MAP3K7CL: variants seen among roughly 807,000 people sequenced by gnomAD.
The protein encoded by MAP3K7CL is MAP3K7 C-terminal like, also known as MAP3K7 C-terminal-like protein.
Under a neutral mutation model 18.6 loss-of-function variants are expected in MAP3K7CL, and 16 were observed. The observed-to-expected ratio is 0.86, with a 90% CI of 0.58 to 1.31. The LOEUF is 1.31. MAP3K7CL is among the 50% of genes most tolerant of loss of function. MAP3K7CL has a pLI of 0.00. For missense variants in MAP3K7CL, 163 were observed against 174.4 expected, an observed-to-expected ratio of 0.93 and a Z score of 0.37; for synonymous variants, 65 against 66.8, an observed-to-expected ratio of 0.97 and a Z score of 0.13.
chr21:29,120,548 A>G (rs982591561), intron 4 of MAP3K7CL, among the ~76,000 whole-genome samples: 2 of 152,194 alleles, frequency 1.3e-5, no homozygotes, highest in African/African-American at 4.8e-5. Context: ...TCTGGGACAT[A>G]GTATTTGCCC....
intron 1 of MAP3K7CL, among the ~76,000 whole-genome samples, chr21:29,088,365 T>G (rs1376656440): frequency 1.3e-5 from 2 of 152,242 alleles, no homozygotes; most frequent in African/African-American, 2.4e-5. Flanking sequence ...ATATATAATC[T>G]GTTTGACAAA....
At chr21:29,144,749 C>G (rs776246160) in intron 2 of MAP3K7CL, among the ~76,000 whole-genome samples, 18 of 152,176 alleles carry the variant, frequency 1.2e-4, no homozygotes, top group Non-Finnish European at 2.1e-4. Flanking sequence ...TGCTAAATAA[C>G]AGGGAGGATT....
intron 1 of MAP3K7CL, among the ~76,000 whole-genome samples, chr21:29,079,595 G>A (rs867011296): frequency 3.9e-5 from 6 of 152,240 alleles, no homozygotes; most frequent in Admixed American, 6.5e-5. Flanking sequence ...GAAAATACAA[G>A]TTTCCATGGC....
At chr21:29,160,768 A>T (rs1317647891) in intron 4 of MAP3K7CL, among the ~76,000 whole-genome samples, 1 of 152,164 alleles carries the variant, frequency 6.6e-6, no homozygotes, top group African/African-American at 2.4e-5. Context: ...TTTTGATTAG[A>T]TCTCCTTTTG....
chr21:29,100,319 C>A (rs1049405545), intron 4 of MAP3K7CL, among the ~76,000 whole-genome samples: 1 of 152,138 alleles, frequency 6.6e-6, no homozygotes, highest in African/African-American at 2.4e-5. Flanking sequence ...GCTTCTTGGG[C>A]TACGGATAAA....
chr21:29,132,100 G>C (rs4816339), intron 1 of MAP3K7CL, among the ~76,000 whole-genome samples: 30,895 of 152,076 alleles, frequency 0.2, 3,696 homozygotes, highest in East Asian at 0.4. Flanking sequence ...GGGGAGGTGG[G>C]ACTAAAAATA....
chr21:29,132,493 G>C (rs150782321), intron 1 of MAP3K7CL, among the ~76,000 whole-genome samples: 8 of 152,126 alleles, frequency 5.3e-5, no homozygotes, highest in African/African-American at 1.7e-4. Context: ...ATATTTTAAA[G>C]TGGTTTTTGG....
intron 4 of MAP3K7CL, among the ~76,000 whole-genome samples, chr21:29,171,806 CAAAAAA>C (rs34411156): frequency 1.2e-5 from 1 of 83,194 alleles, no homozygotes. Flanking sequence ...GACTCCATCT[CAAAAAA>C]AAAAAAAAAA....
intron 2 of MAP3K7CL, among the ~76,000 whole-genome samples, chr21:29,138,754 G>C (rs1376365843): frequency 6.6e-6 from 1 of 152,170 alleles, no homozygotes; most frequent in African/African-American, 2.4e-5. Context: ...AGCTGAGCCA[G>C]GAGGATCACT....
At chr21:29,151,719 GAAC>G in intron 3 of MAP3K7CL, among the ~76,000 whole-genome samples, 1 of 152,184 alleles carries the variant, frequency 6.6e-6, no homozygotes, top group African/African-American at 2.4e-5. Flanking sequence ...TTTTGTGTTG[GAAC>G]AACATTTTTT....
At chr21:29,116,592 C>G (rs2086509163) in intron 4 of MAP3K7CL, among the ~76,000 whole-genome samples, 1 of 152,104 alleles carries the variant, frequency 6.6e-6, no homozygotes, top group Non-Finnish European at 1.5e-5. Flanking sequence ...ATAAAATTTT[C>G]CTAAAGTCTT....
intron 2 of MAP3K7CL, among the ~76,000 whole-genome samples, chr21:29,136,402 T>G (rs2832210): frequency 0.33 from 50,616 of 152,102 alleles, 8,536 homozygotes; most frequent in Non-Finnish European, 0.35. Flanking sequence ...AGGGCACTAA[T>G]GTGGACTTTT....
chr21:29,174,794 A>T lies in MAP3K7CL; in HGVS notation c.331A>T (p.Thr111Ser). ...GCTGGTTCGGGAATTCGAGGCTCTG[A>T]CGGAGGAGAATCGGACGTTGAGGTT... ...AELVREFEAL[T>S]EENRTLRLAQ... Residue 111 changes from threonine to serine, a missense_variant, in exon 5 of 5, where the codon ACG becomes TCG. Thr to Ser is a moderately conservative substitution (Grantham distance 58). Coordinates refer to ENST00000399928, the MANE Select transcript of MAP3K7CL (RefSeq NM_001286620.2). The T allele has an allele frequency of 6.2e-7, 1 of 1,614,146 alleles. No individual in the cohort carries two copies. The highest frequency in any genetic ancestry group is 8.5e-7 in the Non-Finnish European group (1 of 1,180,004).
chr21:29,104,969 T>C (rs1184188253), intron 4 of MAP3K7CL, among the ~76,000 whole-genome samples: 1 of 152,218 alleles, frequency 6.6e-6, no homozygotes, highest in Non-Finnish European at 1.5e-5. Flanking sequence ...GGGTTCTAAT[T>C]ATTGAAGAAC....
At chr21:29,079,765 A>G (rs1382069009) in intron 1 of MAP3K7CL, among the ~76,000 whole-genome samples, 2 of 152,176 alleles carry the variant, frequency 1.3e-5, no homozygotes, top group African/African-American at 4.8e-5. Context: ...GAATAGTCCA[A>G]TCAATCTACT....
At chr21:29,091,502 C>T (rs986943461) in exon 2 of MAP3K7CL, 6 of 695,362 alleles carry the variant, frequency 8.6e-6, no homozygotes, top group Middle Eastern at 2.7e-4. Flanking sequence ...TCAATACAGC[C>T]CCTTGCTCTG....
chr21:29,174,810 C>T lies in MAP3K7CL; in HGVS notation c.347C>T (p.Thr116Met), dbSNP rs750500625. ...GAGGCTCTGACGGAGGAGAATCGGA[C>T]GTTGAGGTTGGCCCAGTCTCAATGT... ...EFEALTEENR[T>M]LRLAQSQCVE... is the part of the protein sequence containing the mutation. Residue 116 changes from threonine to methionine, a missense_variant, in exon 5 of 5, where the codon ACG becomes ATG. Physicochemically the swap from Thr to Met is moderately conservative, Grantham distance 81. Coordinates refer to ENST00000399928, the MANE Select transcript of MAP3K7CL (RefSeq NM_001286620.2). 1.1e-5 allele frequency: 17 copies of T among 1,613,964 alleles called. No homozygotes were observed. In the East Asian group the frequency reaches 1.6e-4, roughly 15 times the overall value.
Position 29,109,142 on chromosome 21 carries a change from C to A in MAP3K7CL, c.370+16561C>A, listed in dbSNP as rs1049501574. ...TGGGCCTGACTGAAGATGCTTGTTT[C>A]TTCCTCTTCCCTAACGCCCTTTCCA... On this transcript the variant is annotated intron_variant, in intron 4 of 6. Coordinates refer to the MAP3K7CL transcript ENST00000286791. 2.6e-6 allele frequency: 4 copies of A among 1,535,280 alleles called. No individual in the cohort carries two copies. In the African/African-American group the frequency reaches 5.5e-5, roughly 21 times the overall value.
intron 4 of MAP3K7CL, among the ~76,000 whole-genome samples, chr21:29,094,645 G>A (rs1172438975): frequency 1.3e-5 from 2 of 152,186 alleles, no homozygotes; most frequent in East Asian, 3.8e-4. Context: ...TCCTTTGTGT[G>A]ATCTGTGTGT....
Sources: allele counts gnomAD v4.1 joint callset (sites outside exome capture counted in the v4.1 genomes callset), GRCh38; gene constraint gnomAD v4.1.1; transcripts MANE v1.5; gene names NCBI Gene and HGNC (gene_info 2026-07-23, HGNC 2026-07-21).